The following ZNF311 variants were observed in gnomAD, a reference collection of about 807,000 sequenced individuals.
ZNF311 encodes the protein zinc finger protein zfp31.
A neutral mutation model predicts 22.7 loss-of-function variants in ZNF311; 14 were observed. That is an observed-to-expected ratio of 0.62 (90% confidence interval 0.41 to 0.96). ZNF311 has a LOEUF of 0.96. ZNF311 is among the 40% of genes least tolerant of loss of function. ZNF311 has a pLI of 0.00. For synonymous variants in ZNF311, 250 were observed against 275.3 expected (o/e 0.91, Z 0.91); for missense variants, 731 against 799.0 (o/e 0.91, Z 1.03).
At chr6:29,000,071 G>C (rs750210848) in intron 3 of ZNF311, 24 bp from the exon 4 acceptor site, 5 of 1,599,248 alleles carry the variant, frequency 3.1e-6, no homozygotes, top group Non-Finnish European at 3.4e-6. Context: ...AGTAAGCCAA[G>C]AGTCAATATA....
Position 28,996,174 on chromosome 6 carries a change from C to T in ZNF311, c.828G>A (p.Val276=), listed in dbSNP as rs1779550902. 1 of 1,613,564 alleles carries T rather than the reference C, an allele frequency of 6.2e-7. No homozygotes were observed. The highest frequency in any genetic ancestry group is 1.3e-5 in the African/African-American group (1 of 75,058). Residue 276 remains valine, a synonymous_variant, in exon 7 of 7, where the codon GTG becomes GTA. Transcript: ENST00000377179. ...TGAATGCTTTCCCACACTCATTACA[C>T]ACATGGGGTTTCTCACCAGAATGAA... ...EQIHSGEKPH[V]CNECGKAFKT... is the part of the protein sequence containing the mutation.
intron 4 of ZNF311, 72 bp downstream of exon 4, chr6:28,999,884 G>T: frequency 6.8e-7 from 1 of 1,478,414 alleles, no homozygotes; most frequent in Non-Finnish European, 9.3e-7. Context: ...GCCAGAGAAC[G>T]CAGTGAAAAC....
At position 28,998,739 on chromosome 6, in the gene ZNF311, T is replaced by A; in HGVS notation, c.410A>T (p.Tyr137Phe). ...AAAGTTTCTCTATTACTCACCTGGG[T>A]AGGAGCAGCTTAGGGACTCCCTGTC... The part of the protein sequence containing the change: ...PQDRESLSCS[Y>F]PVSADKMWPE... The change falls in exon 6 of 7, where the codon TAC (tyrosine) becomes TTC (phenylalanine). Residue 137 changes from tyrosine to phenylalanine, a missense_variant. By Grantham distance (22) the Tyr-to-Phe change is conservative. Transcript: ENST00000377179. 1 of 1,609,950 alleles carries A rather than the reference T, an allele frequency of 6.2e-7. No individual in the cohort carries two copies. The highest frequency in any genetic ancestry group is 8.5e-7 in the Non-Finnish European group (1 of 1,178,104).
At chr6:29,003,755 C>A (rs1283448003) in intron 2 of ZNF311, 161 bp from the exon 3 acceptor site, 4 of 1,423,182 alleles carry the variant, frequency 2.8e-6, no homozygotes, top group East Asian at 2.3e-5. Flanking sequence ...CTTATGAAAA[C>A]TAGAAATGGC....
intron 2 of ZNF311, 116 bp downstream of exon 2, chr6:29,003,830 C>T (rs1054113306): frequency 4.4e-6 from 7 of 1,604,044 alleles, no homozygotes; most frequent in Non-Finnish European, 6.0e-6. Context: ...TAGGAGGAGA[C>T]ACCTCCAACA....
chr6:29,003,397 A>G, intron 3 of ZNF311, 116 bp downstream of exon 3: 2 of 848,580 alleles, frequency 2.4e-6, no homozygotes, highest in East Asian at 4.9e-5. Flanking sequence ...GACTTTCTAT[A>G]AATGCTCATT....
At position 29,003,556 on chromosome 6, in the gene ZNF311, C is replaced by T. The variant is rs779060859; in HGVS notation, c.48G>A (p.Gln16=). Residue 16 remains glutamine (Q), a synonymous_variant, in exon 3 of 7, where the codon CAG becomes CAA. Transcript: ENST00000377179. ...LLDESSGPPS[Q]LLWTRQDTQL... Reference sequence around the variant, plus strand: ...GGGTATCCTGGCGGGTCCAAAGCAGCTGGCTTGGTGGTCCTGAACTCTCAT... The same window carrying T: ...GGGTATCCTGGCGGGTCCAAAGCAGTTGGCTTGGTGGTCCTGAACTCTCAT... 1.9e-6 allele frequency: 3 copies of T among 1,613,034 alleles called. No homozygotes were observed. The East Asian group carries it at 6.7e-5, about 36-fold the overall frequency.
At chr6:28,999,849 A>G (rs557799581) in intron 4 of ZNF311, 107 bp downstream of exon 4, 1 of 1,307,330 alleles carries the variant, frequency 7.6e-7, no homozygotes, top group Admixed American at 2.1e-5. Flanking sequence ...TATGAGAGGG[A>G]GAACATTGAT....
At chr6:29,003,744 C>A in intron 2 of ZNF311, 150 bp from the exon 3 acceptor site, 1 of 1,408,720 alleles carries the variant, frequency 7.1e-7, no homozygotes, top group South Asian at 1.3e-5. Context: ...GTTCCTAATA[C>A]CTTATGAAAA....
At chr6:28,999,387 A>C in intron 5 of ZNF311, 100 bp downstream of exon 5, 1 of 1,154,518 alleles carries the variant, frequency 8.7e-7, no homozygotes, top group East Asian at 3.0e-5. Flanking sequence ...ATAAAGAATA[A>C]GGACTCTTTC....
In ZNF311 at chr6:28,998,800, C is replaced by T; in HGVS notation, c.349G>A (p.Glu117Lys). 6.2e-7 allele frequency: 1 copy of T among 1,612,882 alleles called. No homozygotes were observed. The highest frequency in any genetic ancestry group is 1.3e-5 in the African/African-American group (1 of 75,006). Residue 117 changes from glutamate to lysine, a missense_variant, in exon 6 of 7, where the codon GAG (glutamate) becomes AAG (lysine). Physicochemically the swap from Glu to Lys is moderately conservative, Grantham distance 56 (BLOSUM62 1). Transcript: ENST00000377179. ...TGCACACAGGGGTCTACTTCTCGCTCCAGATGAGAGATTAAAGGAGGTTTA... is the reference window on the plus strand; with the variant it reads ...TGCACACAGGGGTCTACTTCTCGCTTCAGATGAGAGATTAAAGGAGGTTTA... ...FPKPPLISHL[E>K]REVDPCVQDP... is the part of the protein sequence containing the mutation.
intron 6 of ZNF311, among the ~76,000 whole-genome samples, chr6:28,997,043 C>T (rs568220942): frequency 1.5e-4 from 23 of 152,296 alleles, no homozygotes; most frequent in Middle Eastern, 3.4e-3. Flanking sequence ...GTGACTCAGC[C>T]CATCTGGTTG....
chr6:29,000,100 C>T (rs1780235898), intron 3 of ZNF311, 53 bp from the exon 4 acceptor site: 2 of 1,519,006 alleles, frequency 1.3e-6, no homozygotes, highest in East Asian at 2.3e-5. Flanking sequence ...TTAATGAAAT[C>T]TCCTGCATTC....
rs6456879 is a variant in ZNF311, at chr6:28,994,827, A to T, written c.*174T>A. On this transcript the variant is annotated 3_prime_UTR_variant, in exon 7 of 7. Coordinates refer to ENST00000377179, the MANE Select transcript of ZNF311 (RefSeq NM_001382360.1). ...TATTAATATTAGGAAGTGATTGATA[A>T]ACTCTTGGAAGTAAATGTGCTCACT... 0.19 allele frequency: 128,289 copies of T among 681,884 alleles called. 14,744 individuals are homozygous for T. Among genetic ancestry groups the T allele is most frequent in the African/African-American group, 0.44 (24,404 of 55,536 alleles). The allele number at this position is 681,884 out of a possible 1,614,324, so 42.2% of individuals were successfully genotyped here. A position where few individuals can be genotyped will look rare whatever the true frequency, so the allele number is the denominator to read the frequency against.
Position 28,995,919 on chromosome 6 carries a change from A to G in ZNF311, c.1083T>C (p.Cys361=). 1 of 1,613,740 alleles carries G rather than the reference A, an allele frequency of 6.2e-7. No individual in the cohort carries two copies. The highest frequency in any genetic ancestry group is 8.5e-7 in the Non-Finnish European group (1 of 1,179,974). The part of the protein sequence containing the change: ...LIHTGEKPYK[C]NCCGKAFQFK... ...ACTGGAAGGCCTTCCCACAGCAGTT[A>G]CATTTGTAAGGCTTCTCCCCGGTGT... Residue 361 remains cysteine, a synonymous_variant, in exon 7 of 7, where the codon TGT becomes TGC. Coordinates refer to ENST00000377179, the MANE Select transcript of ZNF311 (RefSeq NM_001382360.1). This position sits in a 1 kb window ranked among gnomAD's most constrained non-coding sequence, Gnocchi z 4.7.
intron 4 of ZNF311, 82 bp from the exon 5 acceptor site, chr6:28,999,695 GGA>G: frequency 6.6e-7 from 1 of 1,525,382 alleles, no homozygotes; most frequent in South Asian, 1.3e-5. Context: ...GAATTTGCAA[GGA>G]GGAGGTTTAT....
rs969504643 is a variant in ZNF311 at position 28,995,273 on chromosome 6, G to A, written c.1729C>T (p.His577Tyr). The change falls in exon 7 of 7, where the codon CAC becomes TAC. Residue 577 changes from histidine to tyrosine, a missense_variant. Transcript: ENST00000377179. This position sits in a 1 kb window ranked among gnomAD's most constrained non-coding sequence, Gnocchi z 4.7. ...CAGGTGTATGGCTTCTCACCAGTGT[G>A]GATTCTTTTGTGCTGCCTCAGGACT... is the stretch of plus-strand genomic sequence containing the variant. Reference protein sequence around the residue: ...SSVLRQHKRIHTGEKPYTCSE... With the variant: ...SSVLRQHKRIYTGEKPYTCSE... The A allele has an allele frequency of 1.2e-6, 2 of 1,613,906 alleles. No homozygotes were observed. The highest frequency in any genetic ancestry group is 2.7e-5 in the African/African-American group (2 of 74,900).
intron 6 of ZNF311, among the ~76,000 whole-genome samples, chr6:28,998,280 G>C (rs764265237): frequency 6.6e-6 from 1 of 150,608 alleles, no homozygotes; most frequent in African/African-American, 2.5e-5. Context: ...ATGATTCTCC[G>C]GCCTCAGACC....
At chr6:29,004,581 T>C (rs1780925258) in intron 1 of ZNF311, among the ~76,000 whole-genome samples, 1 of 151,868 alleles carries the variant, frequency 6.6e-6, no homozygotes, top group Non-Finnish European at 1.5e-5. Flanking sequence ...CGTTTACAAC[T>C]TGAGTTGGAT....
Sources: allele counts gnomAD v4.1 joint callset (sites outside exome capture counted in the v4.1 genomes callset), GRCh38; gene constraint gnomAD v4.1.1; non-coding constraint Gnocchi (gnomAD v3.1); transcripts MANE v1.5; gene names NCBI Gene and HGNC (gene_info 2026-07-23, HGNC 2026-07-21).